The following NEGR1 variants were observed in gnomAD, a reference collection of about 807,000 sequenced individuals.
The protein encoded by NEGR1 is neuronal growth regulator 1, also known as IgLON family member 4.
In NEGR1, 10 loss-of-function variants were observed where a neutral mutation model predicts 40.9. The ratio of observed to expected loss-of-function variants is 0.24; its 90% CI spans 0.15 to 0.42. The LOEUF is 0.42. Among genes scored for constraint, NEGR1 ranks in the 10% least tolerant of loss-of-function variants. The pLI, the probability that NEGR1 is intolerant of heterozygous loss-of-function variation, is 1.00. For missense variants in NEGR1, 352 were observed against 438.9 expected (o/e 0.80, Z 1.77); for synonymous variants, 185 against 166.8 (o/e 1.11, Z -0.84).
chr1:72,274,737 G>C, intron 1 of NEGR1: 2 of 1,102,838 alleles, frequency 1.8e-6, no homozygotes, highest in Admixed American at 3.4e-5. Flanking sequence ...GAGTAAAATC[G>C]GAAGGAGAAA....
intron 1 of NEGR1, among the ~76,000 whole-genome samples, chr1:71,976,332 G>A (rs1369630502): frequency 3.3e-5 from 5 of 152,188 alleles, no homozygotes; most frequent in Non-Finnish European, 4.4e-5. Context: ...TATGCAATAT[G>A]TACGTGAACG....
chr1:71,747,553 T>C (rs1655428294), intron 3 of NEGR1, among the ~76,000 whole-genome samples: 2 of 151,994 alleles, frequency 1.3e-5, no homozygotes, highest in South Asian at 4.2e-4. Context: ...GCCTCTCAAG[T>C]AGTTGGGACT....
intron 6 of NEGR1, among the ~76,000 whole-genome samples, chr1:71,568,844 G>A (rs1325658413): frequency 4.6e-5 from 7 of 151,016 alleles, no homozygotes; most frequent in African/African-American, 9.7e-5. Context: ...GTGTGTGTGT[G>A]TGTGTGTGTG....
chr1:72,035,948 G>A (rs1443028424), intron 1 of NEGR1, among the ~76,000 whole-genome samples: 6 of 152,056 alleles, frequency 3.9e-5, no homozygotes, highest in Non-Finnish European at 7.4e-5. Flanking sequence ...TATCTCACTC[G>A]TTGTATTGTA....
At chr1:72,179,829 G>T (rs1652300189) in intron 1 of NEGR1, among the ~76,000 whole-genome samples, 1 of 151,612 alleles carries the variant, frequency 6.6e-6, no homozygotes, top group South Asian at 2.1e-4. Flanking sequence ...TTTAACCAAG[G>T]AAGTGAAATA....
chr1:72,206,858 A>T (rs1309896571), intron 1 of NEGR1, among the ~76,000 whole-genome samples: 5 of 152,008 alleles, frequency 3.3e-5, no homozygotes. Context: ...ATAGGGAGGG[A>T]GCAGAAAAAA....
intron 1 of NEGR1, among the ~76,000 whole-genome samples, chr1:72,130,894 AAAG>A (rs1196618203): frequency 6.6e-6 from 1 of 152,226 alleles, no homozygotes; most frequent in Non-Finnish European, 1.5e-5. Context: ...AGGAGGAAGA[AAAG>A]AAGGAAAGAA....
chr1:71,475,649 G>T (rs1646814703), intron 6 of NEGR1, among the ~76,000 whole-genome samples: 1 of 151,944 alleles, frequency 6.6e-6, no homozygotes, highest in African/African-American at 2.4e-5. Context: ...TTAGAAGTAG[G>T]ATGAGAGATT....
At chr1:71,798,297 A>G (rs1268359103) in intron 2 of NEGR1, 4 of 152,324 alleles carry the variant, frequency 2.6e-5, no homozygotes, top group African/African-American at 9.6e-5. Context: ...AAAAGTCTTC[A>G]GGAGAAAGTT....
At chr1:71,990,635 T>C (rs1646440813) in intron 1 of NEGR1, among the ~76,000 whole-genome samples, 2 of 152,104 alleles carry the variant, frequency 1.3e-5, no homozygotes, top group African/African-American at 4.8e-5. Flanking sequence ...ATGATGATAA[T>C]TGAGGGAAGT....
At chr1:71,764,145 C>A (rs144679412) in intron 3 of NEGR1, among the ~76,000 whole-genome samples, 1 of 151,930 alleles carries the variant, frequency 6.6e-6, no homozygotes, top group Non-Finnish European at 1.5e-5. Flanking sequence ...CAATTTTTCC[C>A]GGGAAGTTTT....
At chr1:71,928,898 T>G (rs1026402753) in intron 2 of NEGR1, among the ~76,000 whole-genome samples, 14 of 152,128 alleles carry the variant, frequency 9.2e-5, no homozygotes, top group Admixed American at 9.2e-4. Flanking sequence ...TAATTTGTCT[T>G]CCATTGGACC....
At chr1:72,073,989 T>G (rs1386096614) in intron 1 of NEGR1, among the ~76,000 whole-genome samples, 1 of 152,062 alleles carries the variant, frequency 6.6e-6, no homozygotes, top group Non-Finnish European at 1.5e-5. Context: ...CTTAAATATA[T>G]CAGGTAGCAT....
chr1:72,255,113 C>T (rs1292809943), intron 1 of NEGR1, among the ~76,000 whole-genome samples: 1 of 152,082 alleles, frequency 6.6e-6, no homozygotes, highest in African/African-American at 2.4e-5. Flanking sequence ...TATTAGCATG[C>T]CCTGAAATGA....
intron 1 of NEGR1, among the ~76,000 whole-genome samples, chr1:72,045,371 A>G (rs1646991645): frequency 6.6e-6 from 1 of 151,754 alleles, no homozygotes; most frequent in South Asian, 2.1e-4. Flanking sequence ...ATATCCATAG[A>G]TATGGTTGGG....
chr1:72,016,216 T>TA (rs1010503552), intron 1 of NEGR1, among the ~76,000 whole-genome samples: 8 of 152,106 alleles, frequency 5.3e-5, no homozygotes, highest in African/African-American at 1.7e-4. Context: ...TGAAATGTGT[T>TA]AAAAAAATAT....
At chr1:72,013,153 G>T (rs1219744265) in intron 1 of NEGR1, among the ~76,000 whole-genome samples, 1 of 151,798 alleles carries the variant, frequency 6.6e-6, no homozygotes, top group Non-Finnish European at 1.5e-5. Context: ...AGCATGAATG[G>T]ACCCCAGAGA....
At chr1:72,213,657 C>G (rs1399852426) in intron 1 of NEGR1, among the ~76,000 whole-genome samples, 1 of 151,794 alleles carries the variant, frequency 6.6e-6, no homozygotes, top group East Asian at 1.9e-4. Context: ...TGCTAGTTAC[C>G]CTCCCAAGAC....
At chr1:72,066,686 C>T (rs532281023) in intron 1 of NEGR1, among the ~76,000 whole-genome samples, 51 of 152,054 alleles carry the variant, frequency 3.4e-4, no homozygotes, top group Non-Finnish European at 5.0e-4. Flanking sequence ...GGGAATACAG[C>T]CGTCTACAAG....
Sources: allele counts gnomAD v4.1 joint callset (sites outside exome capture counted in the v4.1 genomes callset), GRCh38; gene constraint gnomAD v4.1.1; transcripts MANE v1.5; gene names NCBI Gene and HGNC (gene_info 2026-07-23, HGNC 2026-07-21).